The following GPATCH2 variants were observed in gnomAD, a reference collection of about 807,000 sequenced individuals.
The protein encoded by GPATCH2 is G-patch domain containing 2, also known as G patch domain-containing protein 2.
A neutral mutation model predicts 58.0 loss-of-function variants in GPATCH2; 51 were observed. The observed-to-expected ratio is 0.88, with a 90% CI of 0.70 to 1.11. The LOEUF (loss-of-function observed/expected upper bound fraction) is 1.11. GPATCH2 is among the 50% of genes most tolerant of loss of function. The pLI, the probability that GPATCH2 is intolerant of heterozygous loss-of-function variation, is 0.00. For missense variants in GPATCH2, 625 were observed against 652.2 expected (o/e 0.96, Z 0.45); for synonymous variants, 222 against 218.5 (o/e 1.02, Z -0.14).
Position 217,428,534 on chromosome 1 carries a change from C to T in GPATCH2, c.*2611G>A, listed in dbSNP as rs924559921. On this transcript the variant is annotated 3_prime_UTR_variant, in exon 10 of 10. Transcript: ENST00000366935. Reference sequence around the variant, plus strand: ...GTACAACCAGAACATCAGGTCTGTACTGAGTTTTCTTAAAGACTGAGGGCA... The same window carrying T: ...GTACAACCAGAACATCAGGTCTGTATTGAGTTTTCTTAAAGACTGAGGGCA... The T allele has an allele frequency of 8.5e-5, 13 of 152,116 alleles. No homozygotes were observed. The highest frequency in any genetic ancestry group is 2.9e-4 in the African/African-American group (12 of 41,416). 9.4% of individuals were successfully genotyped at this position (152,116 alleles called of 1,614,324 possible).
At chr1:217,447,534 T>C (rs1659445354) in intron 9 of GPATCH2, among the ~76,000 whole-genome samples, 1 of 152,150 alleles carries the variant, frequency 6.6e-6, no homozygotes, top group South Asian at 2.1e-4. Flanking sequence ...CCTCATACAG[T>C]TGTTATAAAG....
chr1:217,441,140 A>G (rs943329025), intron 9 of GPATCH2, among the ~76,000 whole-genome samples: 2 of 152,224 alleles, frequency 1.3e-5, no homozygotes, highest in African/African-American at 4.8e-5. Context: ...ACAGCATGGT[A>G]CTGGTACTAA....
intron 2 of GPATCH2, among the ~76,000 whole-genome samples, chr1:217,618,931 C>T (rs1241164775): frequency 1.3e-5 from 2 of 151,606 alleles, no homozygotes; most frequent in African/African-American, 4.9e-5. Context: ...CCCTTGCACT[C>T]CAGCCTGGGA....
At chr1:217,436,158 T>C (rs950539582) in intron 9 of GPATCH2, among the ~76,000 whole-genome samples, 5 of 152,014 alleles carry the variant, frequency 3.3e-5, no homozygotes, top group Non-Finnish European at 7.4e-5. Flanking sequence ...TCTTATGGAA[T>C]GCTTATGTAT....
At chr1:217,569,690 C>T (rs575608746) in intron 5 of GPATCH2, among the ~76,000 whole-genome samples, 31 of 151,858 alleles carry the variant, frequency 2.0e-4, no homozygotes, top group East Asian at 3.9e-4. Context: ...AGCAAAACTC[C>T]GCCTCAAAAA....
rs1049878715 is a variant in GPATCH2, at chr1:217,584,716, C to T, written c.1098+25605G>A. Among the ~76,000 whole-genome samples, 5 of 149,344 alleles carry T rather than the reference C, an allele frequency of 3.3e-5. No homozygotes were observed. The East Asian group carries it at 9.9e-4, about 30-fold the overall frequency. ...AGTAAAATGGAGGAGAAAATTAGAACGAAAAAGAAAAGAGAGCAACAAGTC... is the reference window on the plus strand; with the variant it reads ...AGTAAAATGGAGGAGAAAATTAGAATGAAAAAGAAAAGAGAGCAACAAGTC... On this transcript the variant is annotated intron_variant, in intron 5 of 9. Transcript: ENST00000366935.
intron 9 of GPATCH2, among the ~76,000 whole-genome samples, chr1:217,447,672 G>T (rs987720873): frequency 2.6e-5 from 4 of 152,208 alleles, no homozygotes; most frequent in Non-Finnish European, 4.4e-5. Flanking sequence ...GCCAGAAGAT[G>T]ATCAGGTATG....
At chr1:217,594,162 T>C (rs995424816) in intron 5 of GPATCH2, among the ~76,000 whole-genome samples, 2 of 152,142 alleles carry the variant, frequency 1.3e-5, no homozygotes, top group African/African-American at 4.8e-5. Context: ...GTGATGCATA[T>C]TTGTTCCCAA....
At chr1:217,520,039 A>T (rs1663372899) in intron 5 of GPATCH2, among the ~76,000 whole-genome samples, 1 of 152,186 alleles carries the variant, frequency 6.6e-6, no homozygotes, top group Non-Finnish European at 1.5e-5. Flanking sequence ...TTCATGTTTC[A>T]CCTTTATCTG....
intron 4 of GPATCH2, 51 bp from the exon 5 acceptor site, chr1:217,610,451 T>A: frequency 9.9e-7 from 1 of 1,013,758 alleles, no homozygotes; most frequent in South Asian, 1.4e-5. Flanking sequence ...CACTGAAGCA[T>A]AGAAGAAGAA....
rs750928538 is a variant in GPATCH2, at chr1:217,428,472, G to A, written c.*2673C>T. 7.2e-5 allele frequency: 11 copies of A among 152,200 alleles called. No individual in the cohort carries two copies. Among genetic ancestry groups the A allele is most frequent in the South Asian group, 2.1e-4 (1 of 4,824 alleles). The allele number at this position is 152,200 out of a possible 1,614,324, so 9.4% of individuals were successfully genotyped here. A position where few individuals can be genotyped will look rare whatever the true frequency, so the allele number is the denominator to read the frequency against. On this transcript the variant is annotated 3_prime_UTR_variant, in exon 10 of 10. Transcript: ENST00000366935. The stretch of plus-strand genomic sequence containing the variant: ...ACATTTGATTTGCACTAAAAAATTC[G>A]TATTTTAATTGCGTTTGTTTCTCCA...
chr1:217,439,109 A>G (rs1364062291), intron 9 of GPATCH2, among the ~76,000 whole-genome samples: 2 of 152,148 alleles, frequency 1.3e-5, no homozygotes, highest in East Asian at 3.9e-4. Flanking sequence ...AAAATTGACC[A>G]CGTAATTGGA....
At chr1:217,603,332 A>G (rs959686752) in intron 5 of GPATCH2, among the ~76,000 whole-genome samples, 45 of 152,166 alleles carry the variant, frequency 3.0e-4, no homozygotes, top group African/African-American at 1.0e-3. Context: ...CTGTTTATAT[A>G]GTTTTTCCTA....
At chr1:217,527,707 A>C (rs998570083) in intron 5 of GPATCH2, among the ~76,000 whole-genome samples, 1 of 152,190 alleles carries the variant, frequency 6.6e-6, no homozygotes. Context: ...AATGAAGCCA[A>C]TTATATCTAT....
At chr1:217,461,042 C>G (rs1660177372) in intron 8 of GPATCH2, among the ~76,000 whole-genome samples, 1 of 152,166 alleles carries the variant, frequency 6.6e-6, no homozygotes, top group South Asian at 2.1e-4. Context: ...TGTAACAGTT[C>G]TATATGCTAT....
chr1:217,543,190 G>A (rs1664840634), intron 5 of GPATCH2, among the ~76,000 whole-genome samples: 1 of 151,850 alleles, frequency 6.6e-6, no homozygotes. Context: ...CAGAGTAGTG[G>A]CTATATGTGT....
chr1:217,489,172 A>T (rs1366714101), intron 8 of GPATCH2, among the ~76,000 whole-genome samples: 1 of 151,582 alleles, frequency 6.6e-6, no homozygotes. Context: ...CCTGGCCTCA[A>T]GCAATCCTCC....
At chr1:217,543,126 C>T (rs1276435076) in intron 5 of GPATCH2, among the ~76,000 whole-genome samples, 1 of 152,116 alleles carries the variant, frequency 6.6e-6, no homozygotes, top group Non-Finnish European at 1.5e-5. Flanking sequence ...GAGACAGATG[C>T]CTTAGGGACT....
chr1:217,548,035 C>A (rs1665151971), intron 5 of GPATCH2, among the ~76,000 whole-genome samples: 3 of 152,178 alleles, frequency 2.0e-5, no homozygotes, highest in Non-Finnish European at 4.4e-5. Flanking sequence ...TGAGGCTTCC[C>A]AGTCATGTTT....
Sources: gnomAD v4.1 joint callset for allele counts (sites outside exome capture counted in the v4.1 genomes callset) on GRCh38, gnomAD v4.1.1 for gene constraint, MANE v1.5 for transcripts, NCBI Gene and HGNC (gene_info 2026-07-23, HGNC 2026-07-21) for gene names.